Variants in NRL observed in about 807,000 individuals in gnomAD.
NRL encodes neural retina leucine zipper, also known as neural retina-specific leucine zipper protein.
In NRL, 16 loss-of-function variants were observed where a neutral mutation model predicts 12.5. The observed-to-expected ratio is 1.28, with a 90% confidence interval of 0.87 to 1.95. The LOEUF is 1.95. NRL is among the 30% of genes most tolerant of loss of function. The probability of loss-of-function intolerance (pLI) is 0.00; values close to 1 mark genes in which losing one functional copy is unlikely to be tolerated. For synonymous variants in NRL, 142 were observed against 150.9 expected (o/e 0.94, Z 0.43); for missense variants, 314 against 325.8 (o/e 0.96, Z 0.28).
chr14:24,101,344 G>A (rs941876196), intron 1 of NRL, among the ~76,000 whole-genome samples: 11 of 152,212 alleles, frequency 7.2e-5, no homozygotes, highest in Admixed American at 7.2e-4. Context: ...GCGGATGGGA[G>A]AGGGTGGGGA....
At chr14:24,100,264 A>G (rs1246342585) in intron 1 of NRL, 2 of 1,597,516 alleles carry the variant, frequency 1.3e-6, no homozygotes, top group Admixed American at 3.6e-5. Context: ...CAGCACCTTA[A>G]TGGTGGAAAA....
chr14:24,091,118 CCTGTGTGTGT>C (rs1244684422), intron 1 of NRL, among the ~76,000 whole-genome samples: 19 of 119,766 alleles, frequency 1.6e-4, no homozygotes, highest in African/African-American at 6.0e-4. Flanking sequence ...ACAGAAAAGG[CCTGTGTGTGT>C]GTGTGTGTGT....
intron 1 of NRL, chr14:24,099,380 C>G (rs1035303204): frequency 1.6e-5 from 16 of 1,007,454 alleles, no homozygotes; most frequent in Middle Eastern, 2.5e-4. Flanking sequence ...GCTTTGGCCT[C>G]AGGCTGCTGA....
intron 1 of NRL, chr14:24,100,403 AT>A (rs1165952600): frequency 1.5e-6 from 2 of 1,311,326 alleles, no homozygotes; most frequent in African/African-American, 3.0e-5. Context: ...TGGTTTTGTG[AT>A]CTGGCTAAGT....
chr14:24,106,730 A>T (rs1213008064), intron 1 of NRL, among the ~76,000 whole-genome samples: 3 of 138,070 alleles, frequency 2.2e-5, no homozygotes, highest in East Asian at 4.4e-4. Flanking sequence ...CAAAAAAAAA[A>T]TAAATAAATA....
intron 1 of NRL, 128 bp from the exon 2 acceptor site, chr14:24,083,003 G>A: frequency 1.1e-6 from 1 of 877,694 alleles, no homozygotes; most frequent in South Asian, 1.8e-5. Flanking sequence ...GGATGGTGCA[G>A]CTCTGTTCAC....
At chr14:24,111,385 G>T (rs1215771263) in intron 1 of NRL, among the ~76,000 whole-genome samples, 9 of 151,976 alleles carry the variant, frequency 5.9e-5, no homozygotes, top group African/African-American at 2.2e-4. Flanking sequence ...TGTTTTTTGT[G>T]TGTGTGTGAC....
At position 24,081,586 on chromosome 14, in the gene NRL, A is replaced by G; in HGVS notation, c.382-18T>C. The G allele has an allele frequency of 1.9e-6, 3 of 1,579,574 alleles. No individual in the cohort carries two copies. Among genetic ancestry groups the G allele is most frequent in the Middle Eastern group, 1.7e-4 (1 of 5,856 alleles). ...TCTGCCAGCTGCGGAGGGAGAATGC[A>G]GAAACCGGGTCAGCGCCAGGTCGCA... On this transcript the variant is annotated intron_variant, in intron 2 of 2. Transcript: ENST00000561028. This position sits in a 1 kb window ranked among gnomAD's most constrained non-coding sequence, Gnocchi z 4.4.
chr14:24,102,283 T>G (rs531134953), intron 1 of NRL, among the ~76,000 whole-genome samples: 22 of 152,348 alleles, frequency 1.4e-4, no homozygotes, highest in Non-Finnish European at 2.5e-4. Flanking sequence ...TAGGAGAACC[T>G]GTCTTCCCCG....
intron 1 of NRL, chr14:24,099,117 G>T (rs1352813503): frequency 3.1e-6 from 5 of 1,612,526 alleles, no homozygotes; most frequent in Non-Finnish European, 4.2e-6. Flanking sequence ...CGACCAGCGG[G>T]AGATCATCTC....
chr14:24,084,842 G>C, intron 1 of NRL: 1 of 420,392 alleles, frequency 2.4e-6, no homozygotes, highest in Non-Finnish European at 3.2e-6. Flanking sequence ...CCTCACTGAT[G>C]ATCCGACTCC....
At chr14:24,110,674 A>C (rs2138995721) in intron 1 of NRL, 1 of 152,514 alleles carries the variant, frequency 6.6e-6, no homozygotes, top group East Asian at 1.9e-4. Context: ...ATATTGCAAG[A>C]TATTTAGATC....
chr14:24,092,454 G>A (rs564675707), intron 1 of NRL, among the ~76,000 whole-genome samples: 21 of 152,364 alleles, frequency 1.4e-4, no homozygotes, highest in African/African-American at 4.8e-4. Context: ...AGGAAACCAT[G>A]AGAGCAGGTG....
In NRL at chr14:24,080,448, G is replaced by A. The variant is rs1338392725; in HGVS notation, c.*788C>T. On this transcript the variant is annotated 3_prime_UTR_variant, in exon 3 of 3. Transcript: ENST00000561028. The stretch of plus-strand genomic sequence containing the variant: ...CGAGATTGTCTTGGGGACTTCTTGG[G>A]GAGACCACCGGGACTTCCATACTGG... 3 of 152,684 alleles carry A rather than the reference G, an allele frequency of 2.0e-5. No individual in the cohort carries two copies. In the East Asian group the frequency reaches 5.8e-4, roughly 29 times the overall value. 9.5% of individuals were successfully genotyped at this position (152,684 alleles called of 1,614,324 possible). A position where few individuals can be genotyped will look rare whatever the true frequency, so the allele number is the denominator to read the frequency against.
Position 24,099,989 on chromosome 14 carries a change from T to G in NRL, c.-28+14733A>C, listed in dbSNP as rs775921197. On this transcript the variant is annotated intron_variant, in intron 1 of 2. Transcript: ENST00000561028. ...GGTCCTTCCTTTCTTTCACTTCTCC[T>G]AACAGGTCGACTCCGGGCCATCAAC... 7.4e-6 allele frequency: 12 copies of G among 1,614,094 alleles called. No individual in the cohort carries two copies. In the East Asian group the frequency reaches 1.3e-4, roughly 18 times the overall value.
At chr14:24,102,530 CTCTT>C in intron 1 of NRL, 1 of 521,582 alleles carries the variant, frequency 1.9e-6, no homozygotes, top group Non-Finnish European at 3.4e-6. Flanking sequence ...TCCTCTCCCA[CTCTT>C]TTCTCACATA....
At chr14:24,087,182 AC>A (rs759908683) in intron 1 of NRL, among the ~76,000 whole-genome samples, 3 of 152,222 alleles carry the variant, frequency 2.0e-5, no homozygotes, top group Non-Finnish European at 4.4e-5. Context: ...AGATGTAGGC[AC>A]ATGGACGAGA....
At chr14:24,096,462 C>A (rs149573999) in intron 1 of NRL, among the ~76,000 whole-genome samples, 3 of 152,060 alleles carry the variant, frequency 2.0e-5, no homozygotes, top group Non-Finnish European at 4.4e-5. Context: ...GTCTTGATCT[C>A]CTGACCTCAT....
chr14:24,102,653 A>T lies in NRL; in HGVS notation c.-28+12069T>A, dbSNP rs1445227829. The T allele has an allele frequency of 1.0e-5, 5 of 486,148 alleles. No homozygotes were observed. The East Asian group carries it at 3.1e-4, about 30-fold the overall frequency. 30.1% of individuals were successfully genotyped at this position (486,148 alleles called of 1,614,324 possible). A position where few individuals can be genotyped will look rare whatever the true frequency, so the allele number is the denominator to read the frequency against. Reference sequence around the variant, plus strand: ...AAGGTTCTAGGCAGCTGATGAGGCAAAAAAAAAAAAAGAACCCTGCAAGAA... The same window carrying T: ...AAGGTTCTAGGCAGCTGATGAGGCATAAAAAAAAAAAGAACCCTGCAAGAA... On this transcript the variant is annotated intron_variant, in intron 1 of 2. Coordinates refer to ENST00000561028, the MANE Select transcript of NRL (RefSeq NM_001354768.3).
Sources: allele counts gnomAD v4.1 joint callset (sites outside exome capture counted in the v4.1 genomes callset), GRCh38; gene constraint gnomAD v4.1.1; non-coding constraint Gnocchi (gnomAD v3.1); transcripts MANE v1.5; gene names NCBI Gene and HGNC (gene_info 2026-07-23, HGNC 2026-07-21).